EBF4: variants seen among roughly 807,000 people sequenced by gnomAD.
The protein encoded by EBF4 is EBF transcription factor 4.
EBF4 carries 34 observed loss-of-function variants against 67.1 expected under a neutral mutation model. The observed-to-expected ratio is 0.51, with a 90% CI of 0.39 to 0.67. The LOEUF (loss-of-function observed/expected upper bound fraction) is 0.67. EBF4 is among the 30% of genes least tolerant of loss of function. The pLI is 0.00. For missense variants in EBF4, 837 were observed against 873.3 expected (o/e 0.96, Z 0.52); for synonymous variants, 387 against 377.7 (o/e 1.02, Z -0.29).
intron 6 of EBF4, among the ~76,000 whole-genome samples, chr20:2,711,897 T>C (rs1440043415): frequency 6.6e-6 from 1 of 152,190 alleles, no homozygotes; most frequent in African/African-American, 2.4e-5. Context: ...ACTGAAAAGA[T>C]GACATTTGAG....
At position 2,712,161 on chromosome 20, in the gene EBF4, A is replaced by C. The variant is rs2087553024; in HGVS notation, c.557+2519A>C. On this transcript the variant is annotated intron_variant, in intron 6 of 16. Transcript: ENST00000609451. Reference sequence around the variant, plus strand: ...TGTAAGGGCTTTGGCAGGACATGGAAGCCATTGAGGGGTGTTGAGAATGAT... The same window carrying C: ...TGTAAGGGCTTTGGCAGGACATGGACGCCATTGAGGGGTGTTGAGAATGAT... Among the ~76,000 whole-genome samples, 5 of 152,192 alleles carry C rather than the reference A, an allele frequency of 3.3e-5. No individual in the cohort carries two copies. The South Asian group carries it at 1.0e-3, about 31-fold the overall frequency.
rs531002206 is a variant in EBF4, at chr20:2,701,760, A to C, written c.138-3817A>C. ...CTTCCAGGCCCCTTCGCTGGGCTAG[A>C]TGACAGGATATAAAAGCCACAGGGA... On this transcript the variant is annotated intron_variant, in intron 1 of 16. Coordinates refer to ENST00000609451, the Ensembl canonical transcript of EBF4. Among the ~76,000 whole-genome samples the C allele has an allele frequency of 4.6e-5, 7 of 152,292 alleles. No individual in the cohort carries two copies. The East Asian group carries it at 1.4e-3, about 29-fold the overall frequency.
chr20:2,701,543 G>A (rs577066166), intron 1 of EBF4, among the ~76,000 whole-genome samples: 201 of 152,362 alleles, frequency 1.3e-3, no homozygotes, highest in Middle Eastern at 3.4e-3. Flanking sequence ...ATTTGGGTGG[G>A]ACAGGAAGCT....
chr20:2,720,424 AT>A (rs1445200932), intron 6 of EBF4, among the ~76,000 whole-genome samples: 11 of 151,046 alleles, frequency 7.3e-5, no homozygotes, highest in East Asian at 2.0e-4. Context: ...CTTTTTCTTC[AT>A]TTTTTTTCCC....
Position 2,708,079 on chromosome 20 carries a change from A to G in EBF4, c.488+59A>G, listed in dbSNP as rs370414269. 1.0e-5 allele frequency: 16 copies of G among 1,526,568 alleles called. No homozygotes were observed. In the African/African-American group the frequency reaches 1.6e-4, roughly 16 times the overall value. The allele number at this position is 1,526,568 out of a possible 1,614,324, so 94.6% of individuals were successfully genotyped here. A position where few individuals can be genotyped will look rare whatever the true frequency, so the allele number is the denominator to read the frequency against. On this transcript the variant is annotated intron_variant, in intron 5 of 16. Transcript: ENST00000609451. ...CTGCCAAGGCGTTTCTGAGGACTCT[A>G]CCCAGGCCCTGCCCCCTCGCCGCCC...
chr20:2,723,245 C>T (rs1368041310), intron 6 of EBF4, among the ~76,000 whole-genome samples: 1 of 152,220 alleles, frequency 6.6e-6, no homozygotes. Context: ...CAGGCTCCCT[C>T]AAAACACTTT....
rs959318891 is a variant in EBF4, at chr20:2,756,192, C to T, written c.1738+368C>T. Among the ~76,000 whole-genome samples the T allele has an allele frequency of 3.3e-5, 5 of 152,242 alleles. No individual in the cohort carries two copies. Among genetic ancestry groups the T allele is most frequent in the Admixed American group, 3.3e-4 (5 of 15,290 alleles). Reference sequence around the variant, plus strand: ...GGCTGCACGCCTGTACCTGTGCCTCCCTGTGTCCACCAGAGGGTAGCACAC... The same window carrying T: ...GGCTGCACGCCTGTACCTGTGCCTCTCTGTGTCCACCAGAGGGTAGCACAC... On this transcript the variant is annotated intron_variant, in intron 15 of 16. Transcript: ENST00000609451. This position sits in a 1 kb window ranked among gnomAD's most constrained non-coding sequence, Gnocchi z 4.5.
At chr20:2,748,909 T>G (rs548419450) in intron 7 of EBF4, among the ~76,000 whole-genome samples, 1 of 152,318 alleles carries the variant, frequency 6.6e-6, no homozygotes, top group Non-Finnish European at 1.5e-5. Context: ...GCAATTTGCA[T>G]AGCGTGAAGC....
intron 13 of EBF4, 22 bp downstream of exon 13, chr20:2,752,285 G>T: frequency 8.2e-7 from 1 of 1,219,630 alleles, no homozygotes. Flanking sequence ...GCGCCTCCCC[G>T]CCGTCCTCGG....
chr20:2,705,534 TG>T (rs1013654957), intron 1 of EBF4, 42 bp from the exon 2 acceptor site: 15 of 1,551,346 alleles, frequency 9.7e-6, no homozygotes, highest in Non-Finnish European at 1.2e-5. Context: ...TCTTTCTCAC[TG>T]GGGGGCCTTC....
chr20:2,718,696 T>C (rs2087641665), intron 6 of EBF4, among the ~76,000 whole-genome samples: 1 of 152,228 alleles, frequency 6.6e-6, no homozygotes, highest in South Asian at 2.1e-4. Context: ...GCTACAGGTT[T>C]ATCCATTTTA....
At chr20:2,711,248 T>A (rs1226548983) in intron 6 of EBF4, among the ~76,000 whole-genome samples, 1 of 152,020 alleles carries the variant, frequency 6.6e-6, no homozygotes, top group Non-Finnish European at 1.5e-5. Context: ...CCTTGAAAAA[T>A]TTAGATCTGG....
intron 1 of EBF4, among the ~76,000 whole-genome samples, chr20:2,695,651 C>T (rs2087278011): frequency 6.6e-6 from 1 of 152,202 alleles, no homozygotes; most frequent in African/African-American, 2.4e-5. Context: ...CTCATCCTTC[C>T]TCCCCACTCT....
In EBF4 at chr20:2,705,741, G is replaced by A; in HGVS notation, c.294+8G>A. On this transcript the variant is annotated splice_region_variant and intron_variant, in intron 2 of 16. Transcript: ENST00000609451. ...TTCGTGGAAAAGGACCGAGTGAGAG[G>A]CTCATGGGCTTGGCTGGGACTGGCC... The A allele has an allele frequency of 6.6e-7, 1 of 1,522,514 alleles. No homozygotes were observed. The highest frequency in any genetic ancestry group is 8.9e-7 in the Non-Finnish European group (1 of 1,128,674). The allele number at this position is 1,522,514 out of a possible 1,614,324, so 94.3% of individuals were successfully genotyped here.
intron 6 of EBF4, among the ~76,000 whole-genome samples, chr20:2,721,359 T>G (rs1031163556): frequency 2.6e-5 from 4 of 152,004 alleles, no homozygotes; most frequent in South Asian, 2.1e-4. Flanking sequence ...CATCTGCCAT[T>G]AATCCCATTC....
At chr20:2,694,280 G>T (rs892588882) in intron 1 of EBF4, among the ~76,000 whole-genome samples, 6 of 152,220 alleles carry the variant, frequency 3.9e-5, no homozygotes, top group Non-Finnish European at 8.8e-5. Context: ...GCGGCTGGGG[G>T]CTGGACGGTG....
intron 14 of EBF4, among the ~76,000 whole-genome samples, chr20:2,754,197 T>C (rs557338653): frequency 9.2e-5 from 14 of 152,316 alleles, no homozygotes; most frequent in African/African-American, 2.9e-4. Context: ...CCAGGTACCC[T>C]TCCACTCCCC....
chr20:2,704,579 G>T (rs1203228988), intron 1 of EBF4, among the ~76,000 whole-genome samples: 1 of 152,208 alleles, frequency 6.6e-6, no homozygotes, highest in Non-Finnish European at 1.5e-5. Context: ...TTGTTCATCT[G>T]TTGAGCTCCT....
At chr20:2,759,690 A>G (rs1040029007), downstream of EBF4, 1 of 152,312 alleles carries the variant, frequency 6.6e-6, no homozygotes, top group Non-Finnish European at 1.5e-5. Flanking sequence ...CATCTGACCC[A>G]TCTCAACTGG....
Sources: allele counts gnomAD v4.1 joint callset (sites outside exome capture counted in the v4.1 genomes callset), GRCh38; gene constraint gnomAD v4.1.1; non-coding constraint Gnocchi (gnomAD v3.1); transcripts MANE v1.5; gene names NCBI Gene and HGNC (gene_info 2026-07-23, HGNC 2026-07-21).